Variants in PLVAP observed in about 807,000 individuals in gnomAD.
The protein encoded by PLVAP is plasmalemma vesicle associated protein, also known as plasmalemma vesicle-associated protein.
PLVAP carries 34 observed loss-of-function variants against 43.1 expected under a neutral mutation model. That is an observed-to-expected ratio of 0.79 (90% CI 0.60 to 1.05). The LOEUF is 1.05. PLVAP is among the 50% of genes least tolerant of loss of function. The pLI is 0.00. For missense variants in PLVAP, 574 were observed against 593.4 expected, an observed-to-expected ratio of 0.97 and a Z score of 0.34; for synonymous variants, 241 against 237.3, an observed-to-expected ratio of 1.02 and a Z score of -0.14.
intron 1 of PLVAP, among the ~76,000 whole-genome samples, chr19:17,368,281 A>G (rs2074558306): frequency 6.6e-6 from 1 of 151,940 alleles, no homozygotes. Flanking sequence ...CATGTTGGCC[A>G]GGCTGGTCTC....
chr19:17,360,770 A>C lies in PLVAP; in HGVS notation c.1240+2T>G. 6.2e-7 allele frequency: 1 copy of C among 1,612,798 alleles called. No individual in the cohort carries two copies. The highest frequency in any genetic ancestry group is 8.5e-7 in the Non-Finnish European group (1 of 1,179,066). ...TACTTGGCTCTGTCTTTTGTCACTC[A>C]CCGATGGGCTGGGGGTTGGGGACAG... On this transcript the variant is annotated splice_donor_variant, in intron 4 of 5. Coordinates refer to ENST00000252590, the MANE Select transcript of PLVAP (RefSeq NM_031310.3). LOFTEE classifies it high-confidence loss of function.
At chr19:17,365,227 C>A in intron 3 of PLVAP, 59 bp downstream of exon 3, 1 of 1,492,228 alleles carries the variant, frequency 6.7e-7, no homozygotes, top group Non-Finnish European at 9.0e-7. Context: ...ATCGCCACCA[C>A]CCTCTTGGCA....
At position 17,365,550 on chromosome 19, in the gene PLVAP, T is replaced by C. The variant is rs772667508; in HGVS notation, c.915A>G (p.Gln305=). The change falls in exon 3 of 6, where the codon CAA becomes CAG. Residue 305 remains glutamine, a synonymous_variant. Transcript: ENST00000252590. ...CCTGCTGGGCTTCCAGCTTCTGGCG[T>C]TGGAGGTCTGAGTTCTCGCGGGCCA... ...ERVARENSDL[Q]RQKLEAQQGL... 1.2e-6 allele frequency: 2 copies of C among 1,611,854 alleles called. No homozygotes were observed. Among genetic ancestry groups the C allele is most frequent in the African/African-American group, 1.3e-5 (1 of 74,940 alleles).
intron 5 of PLVAP, among the ~76,000 whole-genome samples, chr19:17,356,619 G>C (rs535790206): frequency 4.6e-5 from 7 of 151,766 alleles, no homozygotes; most frequent in African/African-American, 1.7e-4. Context: ...GATTACAGGC[G>C]TGAGCCACTT....
At chr19:17,352,452 C>T (rs920218023) in intron 5 of PLVAP, 84 bp from the exon 6 acceptor site, 6 of 1,478,078 alleles carry the variant, frequency 4.1e-6, no homozygotes, top group Admixed American at 1.7e-5. Context: ...GGCTCGTCCT[C>T]AGCGGGGACA....
intron 1 of PLVAP, 46 bp from the exon 2 acceptor site, chr19:17,366,241 TG>T: frequency 6.3e-7 from 1 of 1,598,270 alleles, no homozygotes; most frequent in Non-Finnish European, 8.6e-7. Flanking sequence ...CTTAGTGTCT[TG>T]CCCCCAGGAC....
chr19:17,365,621 T>G lies in PLVAP; in HGVS notation c.844A>C (p.Lys282Gln). 6.2e-7 allele frequency: 1 copy of G among 1,613,528 alleles called. No individual in the cohort carries two copies. Among genetic ancestry groups the G allele is most frequent in the Non-Finnish European group, 8.5e-7 (1 of 1,180,024 alleles). ...CDHMPSLMSS[K>Q]VEELARSLRA... Reference sequence around the variant, plus strand: ...AGGCTCCGGGCCAGCTCCTCCACCTTGGAGCTCATGAGGCTGGGCATGTGG... The same window carrying G: ...AGGCTCCGGGCCAGCTCCTCCACCTGGGAGCTCATGAGGCTGGGCATGTGG... Residue 282 changes from lysine to glutamine, a missense_variant, in exon 3 of 6, where the codon AAG (lysine) becomes CAG (glutamine). Coordinates refer to ENST00000252590, the MANE Select transcript of PLVAP (RefSeq NM_031310.3).
chr19:17,366,946 T>G (rs1171742118), intron 1 of PLVAP, among the ~76,000 whole-genome samples: 2 of 149,198 alleles, frequency 1.3e-5, no homozygotes, highest in Non-Finnish European at 3.0e-5. Context: ...CGAATTTTTT[T>G]TTTTTTTTTT....
chr19:17,354,694 C>G (rs181480949), intron 5 of PLVAP, among the ~76,000 whole-genome samples: 1 of 149,940 alleles, frequency 6.7e-6, no homozygotes, highest in African/African-American at 2.5e-5. Context: ...ATGAGGAGAT[C>G]GAGACCATCC....
At chr19:17,370,978 C>T in intron 1 of PLVAP, among the ~76,000 whole-genome samples, 1 of 151,470 alleles carries the variant, frequency 6.6e-6, no homozygotes, top group South Asian at 2.1e-4. Flanking sequence ...ATGGCGTGAA[C>T]CTGGGAGGCA....
intron 5 of PLVAP, among the ~76,000 whole-genome samples, chr19:17,352,866 A>C (rs1293938629): frequency 6.6e-6 from 1 of 152,142 alleles, no homozygotes; most frequent in Non-Finnish European, 1.5e-5. Flanking sequence ...AGAAAGTCCA[A>C]ACCTTACAAC....
In PLVAP at chr19:17,365,561, A is replaced by T. The variant is rs892262273; in HGVS notation, c.904T>A (p.Ser302Thr). ...ADIERVAREN[S>T]DLQRQKLEAQ... ...TCCAGCTTCTGGCGTTGGAGGTCTG[A>T]GTTCTCGCGGGCCACGCGTTCGATA... Residue 302 changes from serine (S) to threonine (T), a missense_variant, in exon 3 of 6, where the codon TCA becomes ACA. Ser to Thr is a moderately conservative substitution (Grantham distance 58, BLOSUM62 1). Coordinates refer to ENST00000252590, the MANE Select transcript of PLVAP (RefSeq NM_031310.3). 6.2e-7 allele frequency: 1 copy of T among 1,611,690 alleles called. No individual in the cohort carries two copies.
At position 17,365,320 on chromosome 19, in the gene PLVAP, C is replaced by T. The variant is rs755134547; in HGVS notation, c.1145G>A (p.Arg382Lys). Residue 382 changes from arginine to lysine, a missense_variant, in exon 3 of 6, where the codon AGA (arginine) becomes AAA (lysine). Transcript: ENST00000252590. ...GATGCAGGTGTCCAGGGCTGAGTTTCTGATGGCCAGCTCCATCCTGAGCTG... is the reference window on the plus strand; with the variant it reads ...GATGCAGGTGTCCAGGGCTGAGTTTTTGATGGCCAGCTCCATCCTGAGCTG... ...AEQLRMELAIRNSALDTCIKT... is the reference protein window; with the variant it reads ...AEQLRMELAIKNSALDTCIKT... 6.2e-7 allele frequency: 1 copy of T among 1,613,120 alleles called. No individual in the cohort carries two copies. The highest frequency in any genetic ancestry group is 1.3e-5 in the African/African-American group (1 of 74,934).
rs1391449853 is a variant in PLVAP, at chr19:17,377,321, T to A, written c.-33A>T. On this transcript the variant is annotated 5_prime_UTR_variant, in exon 1 of 6. Transcript: ENST00000252590. The stretch of plus-strand genomic sequence containing the variant: ...ATCCCGCCGTCCGGTGCACCGTCCC[T>A]GCTCACCACCAGGCCTGCTCTGGCC... The A allele has an allele frequency of 6.4e-7, 1 of 1,551,842 alleles. No homozygotes were observed. Among genetic ancestry groups the A allele is most frequent in the Non-Finnish European group, 8.8e-7 (1 of 1,131,758 alleles).
intron 3 of PLVAP, among the ~76,000 whole-genome samples, chr19:17,364,063 T>G (rs1599574849): frequency 6.6e-6 from 1 of 150,848 alleles, no homozygotes; most frequent in Non-Finnish European, 1.5e-5. Context: ...TGTATTTTTT[T>G]TGTAGGGATG....
In PLVAP at chr19:17,352,287, G is replaced by A. The variant is rs542358836; in HGVS notation, c.*75C>T. 28 of 1,585,120 alleles carry A rather than the reference G, an allele frequency of 1.8e-5. No individual in the cohort carries two copies. The highest frequency in any genetic ancestry group is 1.8e-4 in the Middle Eastern group (1 of 5,518). On this transcript the variant is annotated 3_prime_UTR_variant, in exon 6 of 6. Coordinates refer to ENST00000252590, the MANE Select transcript of PLVAP (RefSeq NM_031310.3). ...GCGGCGGGAGGGGGTTGTGTCGGGC[G>A]CTGTGAGCATATCCCTGCATCCTCC...
At chr19:17,352,481 G>A (rs927933274) in intron 5 of PLVAP, 113 bp from the exon 6 acceptor site, 7 of 1,217,114 alleles carry the variant, frequency 5.8e-6, no homozygotes, top group South Asian at 1.3e-5. Context: ...TGGGGACCCC[G>A]GCCCTGCCTC....
intron 3 of PLVAP, among the ~76,000 whole-genome samples, chr19:17,364,786 TTTTTG>T (rs2074541714): frequency 6.8e-6 from 1 of 146,728 alleles, no homozygotes; most frequent in East Asian, 2.0e-4. Flanking sequence ...TTTTTTTTTT[TTTTTG>T]AGATGGAGTC....
intron 3 of PLVAP, among the ~76,000 whole-genome samples, chr19:17,363,625 T>G (rs948608646): frequency 6.6e-6 from 1 of 151,288 alleles, no homozygotes; most frequent in East Asian, 1.9e-4. Flanking sequence ...CAAGCTGGAG[T>G]GCAGTGGTGC....
Sources: gnomAD v4.1 joint callset for allele counts (sites outside exome capture counted in the v4.1 genomes callset) on GRCh38, gnomAD v4.1.1 for gene constraint, MANE v1.5 for transcripts, NCBI Gene and HGNC (gene_info 2026-07-23, HGNC 2026-07-21) for gene names.